Variants in NRXN1 observed in about 807,000 individuals in gnomAD.
NRXN1 encodes neurexin 1, also known as neurexin-1.
In NRXN1, 39 loss-of-function variants were observed where a neutral mutation model predicts 150.9. The observed-to-expected ratio is 0.26, with a 90% CI of 0.20 to 0.34. The LOEUF (loss-of-function observed/expected upper bound fraction) is 0.34. Ranked by LOEUF, NRXN1 falls within the 10% of genes least tolerant of loss-of-function variation. The pLI, the probability that NRXN1 is intolerant of heterozygous loss-of-function variation, is 1.00. For missense variants in NRXN1, 1,815 were observed against 1,949.9 expected, an observed-to-expected ratio of 0.93 and a Z score of 1.30; for synonymous variants, 924 against 757.0, an observed-to-expected ratio of 1.22 and a Z score of -3.62.
chr2:49,922,720 C>G (rs1668440474), intron 22 of NRXN1, among the ~76,000 whole-genome samples: 1 of 152,124 alleles, frequency 6.6e-6, no homozygotes, highest in South Asian at 2.1e-4. Flanking sequence ...ATCATATTCC[C>G]CTTGTATTTT....
intron 5 of NRXN1, among the ~76,000 whole-genome samples, chr2:50,817,247 C>T (rs1385078592): frequency 1.3e-5 from 2 of 152,008 alleles, no homozygotes; most frequent in African/African-American, 4.8e-5. Context: ...ACATCAATAA[C>T]TTGGATAATC....
chr2:50,058,914 A>G (rs1057047013), intron 19 of NRXN1, among the ~76,000 whole-genome samples: 3 of 152,074 alleles, frequency 2.0e-5, no homozygotes, highest in Non-Finnish European at 4.4e-5. Flanking sequence ...AGTCCATTAA[A>G]CCTGTTTTTC....
At position 50,821,777 on chromosome 2, in the gene NRXN1, A is replaced by G. The variant is rs569864379; in HGVS notation, c.832+100092T>C. Among the ~76,000 whole-genome samples, 3 of 152,336 alleles carry G rather than the reference A, an allele frequency of 2.0e-5. No homozygotes were observed. In the South Asian group the frequency reaches 6.2e-4, roughly 32 times the overall value. ...AAGAAGGCTGGAGTAAAATAAGCAA[A>G]TTACACTGATTTAGCTCATAAACAA... is the stretch of plus-strand genomic sequence containing the variant. On this transcript the variant is annotated intron_variant, in intron 5 of 22. Transcript: ENST00000401669.
intron 18 of NRXN1, among the ~76,000 whole-genome samples, chr2:50,165,580 C>T (rs913468424): frequency 1.3e-5 from 2 of 152,052 alleles, no homozygotes; most frequent in East Asian, 3.9e-4. Flanking sequence ...AACTCCTGAC[C>T]TCAGGTGATA....
Position 50,347,557 on chromosome 2 carries a change from C to A in NRXN1, c.3365-110587G>T. The A allele has an allele frequency of 9.7e-7, 1 of 1,026,636 alleles. No individual in the cohort carries two copies. The highest frequency in any genetic ancestry group is 3.3e-5 in the South Asian group (1 of 30,098). 63.6% of individuals were successfully genotyped at this position (1,026,636 alleles called of 1,614,324 possible). On this transcript the variant is annotated intron_variant, in intron 17 of 22. Coordinates refer to ENST00000401669, the MANE Select transcript of NRXN1 (RefSeq NM_001330078.2). The surrounding 1 kb of genome is among the most constrained non-coding windows in gnomAD (Gnocchi z 4.9). Reference sequence around the variant, plus strand: ...AGCCTCCCCCGGGCAGCGCGCGGAGCAGCGGCGCGCATCGCCTGCTCCCGA... The same window carrying A: ...AGCCTCCCCCGGGCAGCGCGCGGAGAAGCGGCGCGCATCGCCTGCTCCCGA...
At chr2:50,889,743 G>A (rs1042504540) in intron 5 of NRXN1, among the ~76,000 whole-genome samples, 2 of 151,414 alleles carry the variant, frequency 1.3e-5, no homozygotes, top group African/African-American at 4.8e-5. Context: ...CACACTTTTA[G>A]TAAACTTTAG....
intron 5 of NRXN1, among the ~76,000 whole-genome samples, chr2:50,742,967 C>A (rs1699607839): frequency 6.6e-6 from 1 of 152,202 alleles, no homozygotes; most frequent in Admixed American, 6.5e-5. Flanking sequence ...AGTGAAGAGA[C>A]AATGTTCAAG....
intron 15 of NRXN1, among the ~76,000 whole-genome samples, chr2:50,492,673 C>G (rs574545873): frequency 6.6e-6 from 1 of 152,230 alleles, no homozygotes; most frequent in African/African-American, 2.4e-5. Context: ...CCTCTAGTGT[C>G]TTTTTAAGGT....
At chr2:50,506,284 C>T (rs185774411) in intron 13 of NRXN1, among the ~76,000 whole-genome samples, 206 of 151,842 alleles carry the variant, frequency 1.4e-3, no homozygotes, top group Middle Eastern at 3.4e-3. Flanking sequence ...ATTAAAGGGC[C>T]AAGAATATGA....
At chr2:50,633,844 G>A (rs1682792651) in intron 5 of NRXN1, among the ~76,000 whole-genome samples, 1 of 152,112 alleles carries the variant, frequency 6.6e-6, no homozygotes, top group Non-Finnish European at 1.5e-5. Flanking sequence ...GTATAAGTGA[G>A]TTATATGTGA....
In NRXN1 at chr2:50,950,687, T is replaced by G. The variant is rs530698074; in HGVS notation, c.773-24732A>C. ...AATTCTAAGCTGAAAAGCAATAATT[T>G]TTGTAACATTATTTCGGTAACAACA... On this transcript the variant is annotated intron_variant, in intron 2 of 22. Coordinates refer to ENST00000401669, the MANE Select transcript of NRXN1 (RefSeq NM_001330078.2). Among the ~76,000 whole-genome samples the G allele has an allele frequency of 3.9e-5, 6 of 152,328 alleles. No homozygotes were observed. In the East Asian group the frequency reaches 1.2e-3, roughly 29 times the overall value.
intron 2 of NRXN1, among the ~76,000 whole-genome samples, chr2:50,927,249 T>C (rs559067203): frequency 2.6e-5 from 4 of 152,166 alleles, no homozygotes; most frequent in South Asian, 4.1e-4. Flanking sequence ...AAGTTACTAG[T>C]GAATTAAAAA....
intron 8 of NRXN1, among the ~76,000 whole-genome samples, chr2:50,591,184 T>C (rs2103807545): frequency 6.6e-6 from 1 of 152,244 alleles, no homozygotes; most frequent in Middle Eastern, 3.4e-3. Flanking sequence ...TATTCAACAT[T>C]TTATCTGAGC....
intron 17 of NRXN1, among the ~76,000 whole-genome samples, chr2:50,328,552 G>A (rs189553244): frequency 2.0e-3 from 297 of 152,006 alleles, no homozygotes; most frequent in African/African-American, 6.8e-3. Flanking sequence ...CTGGCCAACA[G>A]GGTGAAACCC....
chr2:50,035,450 G>A (rs916095118), intron 21 of NRXN1, among the ~76,000 whole-genome samples: 2 of 152,012 alleles, frequency 1.3e-5, no homozygotes, highest in Non-Finnish European at 1.5e-5. Flanking sequence ...ACTTCTGCCA[G>A]CTGTTTAATT....
intron 18 of NRXN1, among the ~76,000 whole-genome samples, chr2:50,212,555 C>A (rs534245505): frequency 2.8e-4 from 42 of 151,552 alleles, no homozygotes; most frequent in Non-Finnish European, 5.5e-4. Flanking sequence ...GAATAAATGG[C>A]AAAGTTTGTC....
Position 49,927,348 on chromosome 2 carries a change from CAT to C in NRXN1, c.4217-5099_4217-5098del, listed in dbSNP as rs1240182046. 3.3e-5 allele frequency among the ~76,000 whole-genome samples: 5 copies of C among 152,180 alleles called. No individual in the cohort carries two copies. The East Asian group carries it at 9.6e-4, about 29-fold the overall frequency. On this transcript the variant is annotated intron_variant, in intron 22 of 22. Coordinates refer to ENST00000401669, the MANE Select transcript of NRXN1 (RefSeq NM_001330078.2). ...ACTAATTTAAAAGACTTTTGTGATG[CAT>C]CTGGTGATATGATGGGGGCACATTA...
chr2:50,719,364 A>C (rs761989381), intron 5 of NRXN1, among the ~76,000 whole-genome samples: 1 of 152,090 alleles, frequency 6.6e-6, no homozygotes, highest in Non-Finnish European at 1.5e-5. Flanking sequence ...CAAAATAAAT[A>C]TCTTATTTAA....
At chr2:50,695,802 CA>C in intron 5 of NRXN1, among the ~76,000 whole-genome samples, 1 of 150,658 alleles carries the variant, frequency 6.6e-6, no homozygotes, top group South Asian at 2.1e-4. Flanking sequence ...ACTAATATTC[CA>C]AAGGATTAGG....
Sources: allele counts gnomAD v4.1 joint callset (sites outside exome capture counted in the v4.1 genomes callset), GRCh38; gene constraint gnomAD v4.1.1; non-coding constraint Gnocchi (gnomAD v3.1); transcripts MANE v1.5; gene names NCBI Gene and HGNC (gene_info 2026-07-23, HGNC 2026-07-21).